The following GUCY1A2 variants were observed in gnomAD, a reference collection of about 807,000 sequenced individuals.
GUCY1A2 encodes the protein guanylate cyclase 1 soluble subunit alpha 2.
GUCY1A2 carries 27 observed loss-of-function variants against 63.5 expected under a neutral mutation model. The observed-to-expected ratio is 0.43, with a 90% CI of 0.31 to 0.59. The LOEUF is 0.59. Ranked by LOEUF, GUCY1A2 falls within the 20% of genes least tolerant of loss-of-function variation. GUCY1A2 has a pLI of 0.11. For missense variants in GUCY1A2, 768 were observed against 913.3 expected (o/e 0.84, Z 2.05); for synonymous variants, 364 against 343.5 (o/e 1.06, Z -0.66).
intron 5 of GUCY1A2, among the ~76,000 whole-genome samples, chr11:106,783,681 A>G (rs1289042315): frequency 1.3e-5 from 2 of 152,164 alleles, no homozygotes; most frequent in South Asian, 2.1e-4. Context: ...ATCTAACCCC[A>G]TATTGTTTAA....
Position 106,715,211 on chromosome 11 carries a change from T to A in GUCY1A2, c.1837-6545A>T, listed in dbSNP as rs192981945. Among the ~76,000 whole-genome samples, 501 of 152,264 alleles carry A rather than the reference T, an allele frequency of 3.3e-3. 1 individual carries two copies. Among genetic ancestry groups the A allele is most frequent in the African/African-American group, 0.012 (483 of 41,544 alleles). ...TCACAAACAACTGCATTAAAAAAAA[T>A]TCCTCCTGCAATTTTTAAAAGTAGA... On this transcript the variant is annotated intron_variant, in intron 6 of 7. Coordinates refer to ENST00000526355, the MANE Select transcript of GUCY1A2 (RefSeq NM_000855.3).
At chr11:106,821,025 TTC>T (rs34521854) in intron 4 of GUCY1A2, among the ~76,000 whole-genome samples, 53,824 of 151,914 alleles carry the variant, frequency 0.35, 9,773 homozygotes, top group East Asian at 0.46. Context: ...TGGATTTGAA[TTC>T]TTTTTTGATA....
At chr11:106,827,330 C>T (rs1346620696) in intron 4 of GUCY1A2, 7 of 1,556,166 alleles carry the variant, frequency 4.5e-6, no homozygotes, top group Non-Finnish European at 5.3e-6. Context: ...AATTCAGCTG[C>T]TCCTGCATCG....
At chr11:106,960,709 T>C (rs1056953898) in intron 3 of GUCY1A2, among the ~76,000 whole-genome samples, 2 of 152,194 alleles carry the variant, frequency 1.3e-5, no homozygotes, top group Non-Finnish European at 1.5e-5. Flanking sequence ...ATCATCACCA[T>C]TCCAAAGCAA....
chr11:106,861,813 T>C (rs1055569122), intron 4 of GUCY1A2, among the ~76,000 whole-genome samples: 1 of 152,060 alleles, frequency 6.6e-6, no homozygotes, highest in Non-Finnish European at 1.5e-5. Flanking sequence ...CATTTTTCTA[T>C]ATTTTATTCC....
chr11:106,686,563 G>A lies in GUCY1A2; in HGVS notation c.*986C>T, dbSNP rs1591229618. 4.6e-6 allele frequency: 1 copy of A among 218,160 alleles called. No individual in the cohort carries two copies. The allele number at this position is 218,160 out of a possible 1,614,324, so 13.5% of individuals were successfully genotyped here. ...GAGGCATCAACTGGGGAAGAGGAAGGGGGTAACTAACATGTCATTTAGCTG... is the reference window on the plus strand; with the variant it reads ...GAGGCATCAACTGGGGAAGAGGAAGAGGGTAACTAACATGTCATTTAGCTG... On this transcript the variant is annotated 3_prime_UTR_variant, in exon 8 of 8. Coordinates refer to ENST00000526355, the MANE Select transcript of GUCY1A2 (RefSeq NM_000855.3).
At chr11:106,841,597 G>A (rs988745494) in intron 4 of GUCY1A2, among the ~76,000 whole-genome samples, 1 of 151,986 alleles carries the variant, frequency 6.6e-6, no homozygotes, top group East Asian at 1.9e-4. Context: ...CTCTGAGGGA[G>A]GGACCATGTT....
At chr11:106,927,142 G>A (rs753566934) in intron 4 of GUCY1A2, among the ~76,000 whole-genome samples, 5 of 151,872 alleles carry the variant, frequency 3.3e-5, no homozygotes, top group Non-Finnish European at 5.9e-5. Flanking sequence ...GGGAGGCCAA[G>A]GTGGGTGGAT....
intron 4 of GUCY1A2, among the ~76,000 whole-genome samples, chr11:106,850,253 G>A (rs572130216): frequency 3.3e-5 from 5 of 151,600 alleles, no homozygotes; most frequent in Non-Finnish European, 5.9e-5. Flanking sequence ...TTTATGGAAC[G>A]TAGAATGGTA....
chr11:106,770,582 TTTAAAAA>T (rs1864238670), intron 6 of GUCY1A2, among the ~76,000 whole-genome samples: 1 of 151,928 alleles, frequency 6.6e-6, no homozygotes, highest in Non-Finnish European at 1.5e-5. Context: ...GCAAAAACTA[TTTAAAAA>T]TTAAAAATTA....
chr11:106,879,022 A>G (rs2135469949), intron 4 of GUCY1A2, among the ~76,000 whole-genome samples: 1 of 152,214 alleles, frequency 6.6e-6, no homozygotes, highest in South Asian at 2.1e-4. Context: ...AATACTGTTA[A>G]TGTTCAACAC....
At chr11:106,890,890 T>C (rs964650829) in intron 4 of GUCY1A2, among the ~76,000 whole-genome samples, 1 of 152,156 alleles carries the variant, frequency 6.6e-6, no homozygotes, top group Admixed American at 6.5e-5. Flanking sequence ...TAAAGAGCAA[T>C]TGGGTGGTTT....
At chr11:106,747,460 C>T (rs1863810196) in intron 6 of GUCY1A2, among the ~76,000 whole-genome samples, 1 of 152,138 alleles carries the variant, frequency 6.6e-6, no homozygotes, top group Non-Finnish European at 1.5e-5. Flanking sequence ...TTTCAGATTG[C>T]TATACTGGAG....
At chr11:106,829,124 C>A (rs908565544) in intron 4 of GUCY1A2, among the ~76,000 whole-genome samples, 8 of 152,226 alleles carry the variant, frequency 5.3e-5, no homozygotes, top group Non-Finnish European at 7.3e-5. Context: ...CAATAATAAT[C>A]TTCTGATTAT....
intron 6 of GUCY1A2, among the ~76,000 whole-genome samples, chr11:106,734,815 T>G (rs1863561701): frequency 6.6e-6 from 1 of 152,100 alleles, no homozygotes; most frequent in African/African-American, 2.4e-5. Flanking sequence ...AACATCTCGA[T>G]TTTAGCGGAA....
At chr11:106,902,863 G>C (rs1341369432) in intron 4 of GUCY1A2, among the ~76,000 whole-genome samples, 1 of 152,052 alleles carries the variant, frequency 6.6e-6, no homozygotes, top group East Asian at 1.9e-4. Context: ...ATGTGCATAG[G>C]TTATATGCAA....
At chr11:106,718,162 G>A (rs1466195841) in intron 6 of GUCY1A2, among the ~76,000 whole-genome samples, 1 of 152,118 alleles carries the variant, frequency 6.6e-6, no homozygotes, top group Non-Finnish European at 1.5e-5. Context: ...CAACATTACA[G>A]AAGCACCATT....
chr11:106,965,774 G>A (rs10502080), intron 3 of GUCY1A2, among the ~76,000 whole-genome samples: 80,852 of 151,840 alleles, frequency 0.53, 22,201 homozygotes, highest in Non-Finnish European at 0.61. Context: ...AACACCACTC[G>A]GGACTTTGTC....
chr11:106,710,096 TTA>T (rs1402618756), intron 6 of GUCY1A2, among the ~76,000 whole-genome samples: 6 of 96,702 alleles, frequency 6.2e-5, no homozygotes, highest in East Asian at 3.1e-4. Context: ...TAATATATAG[TTA>T]TATATATTAT....
Sources: allele counts gnomAD v4.1 joint callset (sites outside exome capture counted in the v4.1 genomes callset), GRCh38; gene constraint gnomAD v4.1.1; transcripts MANE v1.5; gene names NCBI Gene and HGNC (gene_info 2026-07-23, HGNC 2026-07-21).